Variants in TUG1 observed in about 807,000 individuals in gnomAD.
TUG1 encodes the protein taurine upregulated gene 1.
exon 3 of TUG1, chr22:30,979,005 ATATT>A (rs1423327837): frequency 1.3e-5 from 2 of 152,104 alleles, no homozygotes; most frequent in East Asian, 3.8e-4. Context: ...AACTGAGGGA[ATATT>A]TAAGATCCCA....
intron 2 of TUG1, 153 bp downstream of exon 2, chr22:30,973,740 C>T (rs1602531038): frequency 1.3e-5 from 2 of 152,308 alleles, no homozygotes; most frequent in Middle Eastern, 6.8e-3. Flanking sequence ...AAGCAATTAT[C>T]CAAGGTGACA....
At chr22:30,969,497 C>G (rs1458767653) in exon 1 of TUG1, 1 of 152,228 alleles carries the variant, frequency 6.6e-6, no homozygotes, top group African/African-American at 2.4e-5. Context: ...GGCGCGCGCC[C>G]GGTGGCCGTT....
exon 3 of TUG1, chr22:30,977,017 T>G (rs764914892): frequency 6.6e-6 from 1 of 152,204 alleles, no homozygotes; most frequent in Non-Finnish European, 1.5e-5. Context: ...CTTTTTTTCC[T>G]CTCTGGTTTT....
At chr22:30,974,100 G>C (rs978096076) in intron 2 of TUG1, 4 of 152,110 alleles carry the variant, frequency 2.6e-5, no homozygotes, top group African/African-American at 4.8e-5. Flanking sequence ...TGGGCCCTAA[G>C]AGCTTGTCTA....
intron 2 of TUG1, chr22:30,974,595 G>T (rs2041268224): frequency 6.6e-6 from 1 of 152,114 alleles, no homozygotes; most frequent in Non-Finnish European, 1.5e-5. Flanking sequence ...GAATTAGTAT[G>T]TCTCTGTCAT....
At chr22:30,972,781 A>G (rs1380426491) in intron 1 of TUG1, 74 bp from the exon 2 acceptor site, 1 of 153,326 alleles carries the variant, frequency 6.5e-6, no homozygotes, top group Admixed American at 6.5e-5. Context: ...TGCTGACAGC[A>G]GACCCACTTA....
Position 30,973,819 on chromosome 22 carries a change from C to T in TUG1, c.*2694+232C>T, listed in dbSNP as rs528169941. On this transcript the variant is annotated intron_variant, in intron 2 of 2. Coordinates refer to ENST00000644773, the Ensembl canonical transcript of TUG1. ...CAGTACTCTCCTTGGAATTAGCCTC[C>T]ATTTTACCCACAGTGTTAAAATGGC... 4 of 152,298 alleles carry T rather than the reference C, an allele frequency of 2.6e-5. No homozygotes were observed. The East Asian group carries it at 7.7e-4, about 29-fold the overall frequency. The allele number at this position is 152,298 out of a possible 1,614,324, so 9.4% of individuals were successfully genotyped here.
Sources: allele counts gnomAD v4.1 joint callset, GRCh38; gene constraint gnomAD v4.1.1; transcripts MANE v1.5; gene names NCBI Gene and HGNC (gene_info 2026-07-23, HGNC 2026-07-21).